The following CFAP43 variants were observed in gnomAD, a reference collection of about 807,000 sequenced individuals.
CFAP43 encodes the protein cilia- and flagella-associated protein 43.
Under a neutral mutation model 218.9 loss-of-function variants are expected in CFAP43, and 155 were observed. That is an observed-to-expected ratio of 0.71 (90% confidence interval 0.62 to 0.81). The LOEUF is 0.81. Among genes scored for constraint, CFAP43 ranks in the 30% least tolerant of loss-of-function variants. The pLI, the probability that CFAP43 is intolerant of heterozygous loss-of-function variation, is 0.00. For missense variants in CFAP43, 1,778 were observed against 1,954.3 expected, an observed-to-expected ratio of 0.91 and a Z score of 1.70; for synonymous variants, 645 against 681.3, an observed-to-expected ratio of 0.95 and a Z score of 0.83.
chr10:104,196,639 A>G (rs2090388453), intron 10 of CFAP43, among the ~76,000 whole-genome samples: 1 of 152,100 alleles, frequency 6.6e-6, no homozygotes, highest in African/African-American at 2.4e-5. Flanking sequence ...AGAAAAACTT[A>G]TTGTTTTCTA....
rs769579793 is a variant in CFAP43 at position 104,146,366 on chromosome 10, A to G, written c.3769-17T>C. The G allele has an allele frequency of 5.6e-6, 9 of 1,605,914 alleles. No individual in the cohort carries two copies. Among genetic ancestry groups the G allele is most frequent in the Non-Finnish European group, 7.7e-6 (9 of 1,172,964 alleles). On this transcript the variant is annotated splice_polypyrimidine_tract_variant and intron_variant, in intron 29 of 37. Transcript: ENST00000357060. ...AGTCTGGCTCTATAACAGCATCAGG[A>G]ATAGTTGATTGAAACTGGAGACTTT...
In CFAP43 at chr10:104,140,994, C is replaced by T; in HGVS notation, c.4279G>A (p.Glu1427Lys). Residue 1427 changes from glutamate to lysine, a missense_variant, in exon 34 of 38, where the codon GAA becomes AAA. By Grantham distance (56) the Glu-to-Lys change is moderately conservative (BLOSUM62 1). This residue lies in a region of CFAP43 where 1,553 missense variants were observed against 1,685.2 expected (regional missense o/e 0.92). Transcript: ENST00000357060. ...RVFHELILLQ[E>K]EKVRFQLNLT... ...TTCAACTGGAATCTCACTTTCTCTT[C>T]CTGTAATCTGAATTGAAAAGTACTT... The T allele has an allele frequency of 1.2e-6, 2 of 1,609,270 alleles. No individual in the cohort carries two copies. The highest frequency in any genetic ancestry group is 1.7e-6 in the Non-Finnish European group (2 of 1,178,186).
At chr10:104,207,616 A>T in intron 6 of CFAP43, 49 bp downstream of exon 6, 3 of 1,544,396 alleles carry the variant, frequency 1.9e-6, no homozygotes, top group Non-Finnish European at 2.6e-6. Flanking sequence ...AAACCAAAAA[A>T]ACCAACACCC....
At chr10:104,230,021 T>C (rs535417073) in intron 2 of CFAP43, among the ~76,000 whole-genome samples, 1 of 152,314 alleles carries the variant, frequency 6.6e-6, no homozygotes, top group African/African-American at 2.4e-5. Flanking sequence ...GTAGCTCTGA[T>C]GTGGGAGCCA....
intron 28 of CFAP43, among the ~76,000 whole-genome samples, chr10:104,148,854 C>G (rs1334031041): frequency 6.6e-6 from 1 of 152,194 alleles, no homozygotes; most frequent in Non-Finnish European, 1.5e-5. Context: ...CTAGCCACTT[C>G]AGTATAACTT....
At chr10:104,175,088 C>CAAAA (rs141434447) in intron 19 of CFAP43, among the ~76,000 whole-genome samples, 10,075 of 142,768 alleles carry the variant, frequency 0.071, 506 homozygotes, top group Non-Finnish European at 0.098. Flanking sequence ...AACAAACAAA[C>CAAAA]AAAAAAAAAC....
intron 24 of CFAP43, among the ~76,000 whole-genome samples, chr10:104,163,622 A>C (rs551707296): frequency 6.6e-6 from 1 of 152,126 alleles, no homozygotes; most frequent in Non-Finnish European, 1.5e-5. Context: ...CTGGAGCTCC[A>C]CTGGCCTCGT....
At position 104,232,342 on chromosome 10, in the gene CFAP43, G is replaced by T. The variant is rs2091475029; in HGVS notation, c.-96C>A. 1.6e-6 allele frequency: 2 copies of T among 1,277,706 alleles called. No homozygotes were observed. The highest frequency in any genetic ancestry group is 2.1e-6 in the Non-Finnish European group (2 of 953,530). 79.1% of individuals were successfully genotyped at this position (1,277,706 alleles called of 1,614,324 possible). On this transcript the variant is annotated 5_prime_UTR_variant, in exon 1 of 38. Transcript: ENST00000357060. ...CCGCCGCGGGGCTGCGGGCCGCGACGCCGCTGCTGTGTACACCCGTATCCC... is the reference window on the plus strand; with the variant it reads ...CCGCCGCGGGGCTGCGGGCCGCGACTCCGCTGCTGTGTACACCCGTATCCC...
At chr10:104,196,815 C>A in intron 10 of CFAP43, 38 bp downstream of exon 10, 1 of 1,485,258 alleles carries the variant, frequency 6.7e-7, no homozygotes, top group South Asian at 1.2e-5. Context: ...GATTAGAATT[C>A]AGTATTTTTT....
Position 104,130,092 on chromosome 10 carries a change from G to C in CFAP43, c.*47C>G. ...GGAAATCATTTTACCCAAATGAAATGATTTTTTAAATGATTGATTTGGCCT... is the reference window on the plus strand; with the variant it reads ...GGAAATCATTTTACCCAAATGAAATCATTTTTTAAATGATTGATTTGGCCT... On this transcript the variant is annotated 3_prime_UTR_variant, in exon 38 of 38. Transcript: ENST00000357060. 2 of 1,529,682 alleles carry C rather than the reference G, an allele frequency of 1.3e-6. No individual in the cohort carries two copies. The highest frequency in any genetic ancestry group is 1.7e-6 in the Non-Finnish European group (2 of 1,143,302). 94.8% of individuals were successfully genotyped at this position (1,529,682 alleles called of 1,614,324 possible). A position where few individuals can be genotyped will look rare whatever the true frequency, so the allele number is the denominator to read the frequency against.
chr10:104,206,816 T>C (rs1487320511), intron 6 of CFAP43, among the ~76,000 whole-genome samples: 1 of 152,184 alleles, frequency 6.6e-6, no homozygotes, highest in East Asian at 1.9e-4. Flanking sequence ...TGGCCACAGC[T>C]GATAGGGTCA....
chr10:104,224,144 C>T (rs987679159), intron 3 of CFAP43, among the ~76,000 whole-genome samples: 11 of 152,132 alleles, frequency 7.2e-5, no homozygotes, highest in Middle Eastern at 3.4e-3. Context: ...CCCGGGTTCA[C>T]GCCATTCTCC....
chr10:104,228,733 C>A (rs1039976064), intron 2 of CFAP43, among the ~76,000 whole-genome samples: 2 of 151,868 alleles, frequency 1.3e-5, no homozygotes, highest in Non-Finnish European at 2.9e-5. Flanking sequence ...TGAATTATTT[C>A]TAAGTATGTA....
rs2087969736 is a variant in CFAP43 at position 104,146,343 on chromosome 10, T to C, written c.3775A>G (p.Thr1259Ala). Reference protein sequence around the residue: ...LTRKQHEKSQTSEAVRKSRED... With the variant: ...LTRKQHEKSQASEAVRKSRED... ...CTAGATTTCCGAACAGCTTCTGAAG[T>C]CTGGCTCTATAACAGCATCAGGAAT... Residue 1259 changes from threonine to alanine, a missense_variant, in exon 30 of 38, where the codon ACT becomes GCT. Coordinates refer to ENST00000357060, the MANE Select transcript of CFAP43 (RefSeq NM_025145.7). 3 of 1,613,490 alleles carry C rather than the reference T, an allele frequency of 1.9e-6. No homozygotes were observed. In the East Asian group the frequency reaches 6.7e-5, roughly 36 times the overall value.
At chr10:104,182,818 C>A (rs2089898115) in intron 16 of CFAP43, among the ~76,000 whole-genome samples, 1 of 151,938 alleles carries the variant, frequency 6.6e-6, no homozygotes, top group Non-Finnish European at 1.5e-5. Context: ...CTCAAATGAT[C>A]CTTTCACCTC....
chr10:104,226,908 C>T (rs1335009494), intron 2 of CFAP43, among the ~76,000 whole-genome samples: 1 of 152,048 alleles, frequency 6.6e-6, no homozygotes, highest in Non-Finnish European at 1.5e-5. Flanking sequence ...ATCCCAGCTA[C>T]TTGGGAGGCT....
At position 104,212,177 on chromosome 10, in the gene CFAP43, C is replaced by T; in HGVS notation, c.585-20G>A. On this transcript the variant is annotated intron_variant, in intron 4 of 37. Transcript: ENST00000357060. ...ACCGACCTGTAGACAAAAGAGGCAT[C>T]AGAACAATGAGATGAACAGAAACTT... 6.2e-7 allele frequency: 1 copy of T among 1,606,062 alleles called. No individual in the cohort carries two copies. Among genetic ancestry groups the T allele is most frequent in the Non-Finnish European group, 8.5e-7 (1 of 1,174,814 alleles).
rs756715107 is a variant in CFAP43, at chr10:104,207,729, T to C, written c.831A>G (p.Leu277=). The change falls in exon 6 of 38, where the codon TTA becomes TTG. Residue 277 remains leucine, a synonymous_variant. Transcript: ENST00000357060. ...CTTGCAAGGTGTCTCCATTAATCATTAAAAGATGACCCTCTTCACAGCCAA... is the reference window on the plus strand; with the variant it reads ...CTTGCAAGGTGTCTCCATTAATCATCAAAAGATGACCCTCTTCACAGCCAA... ...LYIGCEEGHL[L]MINGDTLQVT... is the part of the protein sequence containing the mutation. 1.9e-6 allele frequency: 3 copies of C among 1,614,172 alleles called. No homozygotes were observed. Among genetic ancestry groups the C allele is most frequent in the Non-Finnish European group, 2.5e-6 (3 of 1,180,012 alleles).
chr10:104,232,113 G>A (rs1256910734), intron 1 of CFAP43, 69 bp downstream of exon 1: 3 of 1,528,052 alleles, frequency 2.0e-6, no homozygotes, highest in South Asian at 2.5e-5. Flanking sequence ...AGGGAGAGGA[G>A]GGAGGAGGGG....
Sources: allele counts gnomAD v4.1 joint callset (sites outside exome capture counted in the v4.1 genomes callset), GRCh38; gene constraint gnomAD v4.1.1; regional missense constraint gnomAD v4.1.1; transcripts MANE v1.5; gene names NCBI Gene and HGNC (gene_info 2026-07-23, HGNC 2026-07-21).